OSBP: variants seen among roughly 807,000 people sequenced by gnomAD.
OSBP encodes the protein oxysterol binding protein.
OSBP carries 32 observed loss-of-function variants against 96.6 expected under a neutral mutation model. That is an observed-to-expected ratio of 0.33 (90% CI 0.25 to 0.45). The LOEUF (loss-of-function observed/expected upper bound fraction) is 0.45, where lower values mean the gene tolerates loss of function less well. OSBP is among the 20% of genes least tolerant of loss of function. The pLI is 1.00. For synonymous variants in OSBP, 369 were observed against 389.6 expected, an observed-to-expected ratio of 0.95 and a Z score of 0.62; for missense variants, 653 against 1,029.7, an observed-to-expected ratio of 0.63 and a Z score of 5.01.
rs1348629156 is a variant in OSBP, at chr11:59,594,216, T to C, written c.1351A>G (p.Thr451Ala). Reference protein sequence around the residue: ...NEPLSMLQRLTEDLEYHELLD... With the variant: ...NEPLSMLQRLAEDLEYHELLD... ...AGCTCATGGTATTCCAGATCTTCAG[T>C]AAGGCGCTGAAGCATGGACAAGGGC... The change falls in exon 8 of 14, where the codon ACT (threonine) becomes GCT (alanine). Residue 451 changes from threonine (T) to alanine (A), a missense_variant. This residue lies in a region of OSBP where 308 missense variants were observed against 573.1 expected (regional missense o/e 0.54). Coordinates refer to ENST00000263847, the MANE Select transcript of OSBP (RefSeq NM_002556.3). 1 of 1,613,806 alleles carries C rather than the reference T, an allele frequency of 6.2e-7. No homozygotes were observed.
intron 7 of OSBP, among the ~76,000 whole-genome samples, chr11:59,595,541 T>A (rs1453002261): frequency 1.3e-5 from 2 of 152,196 alleles, no homozygotes; most frequent in African/African-American, 4.8e-5. Context: ...AATTTTTAAC[T>A]GTAAAAAACT....
At chr11:59,588,508 C>G (rs1860531004) in intron 9 of OSBP, among the ~76,000 whole-genome samples, 1 of 149,694 alleles carries the variant, frequency 6.7e-6, no homozygotes. Context: ...TGCACTCCAG[C>G]CTAGGTGAGA....
intron 1 of OSBP, among the ~76,000 whole-genome samples, chr11:59,612,244 G>C (rs1860859122): frequency 6.6e-6 from 1 of 152,158 alleles, no homozygotes; most frequent in Admixed American, 6.5e-5. Flanking sequence ...TCAATGAACT[G>C]GGCCATTTTC....
At chr11:59,601,444 A>C in intron 4 of OSBP, 59 bp from the exon 5 acceptor site, 2 of 1,332,152 alleles carry the variant, frequency 1.5e-6, no homozygotes, top group Admixed American at 3.5e-5. Flanking sequence ...TGTCTGATAT[A>C]GCAAGTTCTT....
intron 11 of OSBP, among the ~76,000 whole-genome samples, chr11:59,578,622 T>C (rs1382382229): frequency 6.6e-6 from 1 of 152,182 alleles, no homozygotes; most frequent in Non-Finnish European, 1.5e-5. Context: ...GCTAAGTCTT[T>C]AATTTTTTTT....
chr11:59,583,138 C>T (rs139766644), intron 9 of OSBP, among the ~76,000 whole-genome samples: 5,566 of 151,988 alleles, frequency 0.037, 146 homozygotes, highest in Non-Finnish European at 0.054. Flanking sequence ...TGATGAAACC[C>T]CATCTCTACT....
At chr11:59,615,041 G>A (rs12276505) in intron 1 of OSBP, among the ~76,000 whole-genome samples, 22,665 of 152,140 alleles carry the variant, frequency 0.15, 2,952 homozygotes, top group African/African-American at 0.35. Flanking sequence ...CTCTCCAAAC[G>A]ACTAATGACT....
rs770147188 is a variant in OSBP, at chr11:59,608,655, T to G, written c.651A>C (p.Lys217Asn). The G allele has an allele frequency of 1.2e-6, 2 of 1,614,076 alleles. No individual in the cohort carries two copies. Among genetic ancestry groups the G allele is most frequent in the Non-Finnish European group, 1.7e-6 (2 of 1,179,934 alleles). ...LQNTLRTLSSKVEDLSTCNDL... is the reference protein window; with the variant it reads ...LQNTLRTLSSNVEDLSTCNDL... ...CATTGCACGTGCTCAAGTCCTCTAC[T>G]TTGCTAGAGAGGGTCCGAAGGGTAT... Residue 217 changes from lysine to asparagine, a missense_variant, in exon 3 of 14, where the codon AAA becomes AAC. Around this residue, in one of 6 missense-constraint regions of OSBP, gnomAD observed 308 missense variants for 573.1 expected, o/e 0.54. Transcript: ENST00000263847.
chr11:59,605,794 C>T (rs539140237), intron 3 of OSBP, among the ~76,000 whole-genome samples: 8 of 152,224 alleles, frequency 5.3e-5, no homozygotes, highest in Non-Finnish European at 1.0e-4. Context: ...AGCCTTTCAA[C>T]AAGCCTTTGA....
At chr11:59,600,727 G>GT in intron 6 of OSBP, 92 bp downstream of exon 6, 1 of 1,464,112 alleles carries the variant, frequency 6.8e-7, no homozygotes, top group Non-Finnish European at 9.2e-7. Context: ...AAAAAAATCA[G>GT]TTTCTCTTAG....
At chr11:59,597,288 G>A (rs1473450297) in intron 7 of OSBP, among the ~76,000 whole-genome samples, 7 of 151,654 alleles carry the variant, frequency 4.6e-5, no homozygotes, top group Non-Finnish European at 8.8e-5. Context: ...CAAGTGATCC[G>A]CCTGCCTCAG....
At chr11:59,601,073 T>C (rs1860717892) in intron 5 of OSBP, among the ~76,000 whole-genome samples, 200 bp from the exon 6 acceptor site, 1 of 147,000 alleles carries the variant, frequency 6.8e-6, no homozygotes, top group Non-Finnish European at 1.5e-5. Flanking sequence ...ATTTTTTCAC[T>C]TACTTAAGAA....
At chr11:59,609,199 T>C (rs540093296) in intron 2 of OSBP, among the ~76,000 whole-genome samples, 1 of 152,326 alleles carries the variant, frequency 6.6e-6, no homozygotes, top group African/African-American at 2.4e-5. Flanking sequence ...GATAGGTGAC[T>C]GATGGGACCT....
At chr11:59,601,115 CAAA>C (rs11405726) in intron 5 of OSBP, among the ~76,000 whole-genome samples, 165 bp downstream of exon 5, 5 of 113,852 alleles carry the variant, frequency 4.4e-5, no homozygotes, top group African/African-American at 6.6e-5. Flanking sequence ...GATCTTGAGA[CAAA>C]AAAAAAAAAA....
chr11:59,614,221 A>T (rs1860890928), intron 1 of OSBP, among the ~76,000 whole-genome samples: 3 of 152,218 alleles, frequency 2.0e-5, no homozygotes, highest in African/African-American at 7.2e-5. Flanking sequence ...GATTAGTGTG[A>T]ACAGAAGTAG....
At chr11:59,611,579 G>C (rs1428956720) in intron 1 of OSBP, among the ~76,000 whole-genome samples, 1 of 152,176 alleles carries the variant, frequency 6.6e-6, no homozygotes, top group Admixed American at 6.5e-5. Flanking sequence ...TGGTTCAAAT[G>C]ATATGAAATA....
rs116788580 is a variant in OSBP at position 59,604,424 on chromosome 11, G to T, written c.823-2586C>A. ...GATATAAAAATTTAAAAAAGAGGCT[G>T]GGTATAGTGGCTTACACCTTTAATC... On this transcript the variant is annotated intron_variant, in intron 3 of 13. Transcript: ENST00000263847. Among the ~76,000 whole-genome samples, 1,195 of 152,186 alleles carry T rather than the reference G, an allele frequency of 7.9e-3. 13 individuals are homozygous for T. The highest frequency in any genetic ancestry group is 0.027 in the African/African-American group (1,137 of 41,538).
intron 1 of OSBP, among the ~76,000 whole-genome samples, chr11:59,612,449 T>C (rs1376757089): frequency 6.6e-6 from 1 of 152,226 alleles, no homozygotes. Context: ...TTGGAGCTTT[T>C]TGGAAACCAC....
At chr11:59,583,276 C>T (rs1293914910) in intron 9 of OSBP, among the ~76,000 whole-genome samples, 1 of 152,138 alleles carries the variant, frequency 6.6e-6, no homozygotes, top group African/African-American at 2.4e-5. Flanking sequence ...CACATCACTG[C>T]ACTCCAGCCT....
Sources: gnomAD v4.1 joint callset for allele counts (sites outside exome capture counted in the v4.1 genomes callset) on GRCh38, gnomAD v4.1.1 for gene constraint, gnomAD v4.1.1 regional missense constraint, MANE v1.5 for transcripts, NCBI Gene and HGNC (gene_info 2026-07-23, HGNC 2026-07-21) for gene names.